Variants in RALYL observed in about 807,000 individuals in gnomAD.
RALYL encodes the protein RALY RNA binding protein like.
Under a neutral mutation model 35.1 loss-of-function variants are expected in RALYL, and 29 were observed. The ratio of observed to expected loss-of-function variants is 0.83; its 90% confidence interval spans 0.61 to 1.13. The LOEUF (loss-of-function observed/expected upper bound fraction) is 1.13. Among genes scored for constraint, RALYL ranks in the 50% most tolerant of loss-of-function variants. The pLI, the probability that RALYL is intolerant of heterozygous loss-of-function variation, is 0.00. For missense variants in RALYL, 359 were observed against 360.4 expected (o/e 1.00, Z 0.03); for synonymous variants, 120 against 127.6 (o/e 0.94, Z 0.40).
At position 84,520,948 on chromosome 8, in the gene RALYL, G is replaced by A. The variant is rs116650155; in HGVS notation, c.-23-8351G>A. Among the ~76,000 whole-genome samples the A allele has an allele frequency of 2.9e-3, 448 of 152,250 alleles. 4 individuals carry two copies. The highest frequency in any genetic ancestry group is 9.7e-3 in the African/African-American group (401 of 41,536). On this transcript the variant is annotated intron_variant, in intron 1 of 8. Transcript: ENST00000521268. ...GAATAAATATAGCAACAATCACATTGCCTCTTATGGCTCAGAGGGAGCTTA... is the reference window on the plus strand; with the variant it reads ...GAATAAATATAGCAACAATCACATTACCTCTTATGGCTCAGAGGGAGCTTA...
intron 2 of RALYL, among the ~76,000 whole-genome samples, chr8:84,575,603 CA>C (rs1162199360): frequency 3.3e-5 from 5 of 152,252 alleles, no homozygotes; most frequent in Admixed American, 6.5e-5. Flanking sequence ...TCTTAATGCA[CA>C]GGGGCATAAA....
At chr8:84,892,289 A>G (rs1843987411) in intron 8 of RALYL, among the ~76,000 whole-genome samples, 1 of 152,106 alleles carries the variant, frequency 6.6e-6, no homozygotes, top group South Asian at 2.1e-4. Context: ...TCCTTGTCTC[A>G]AGTAGCTTAG....
chr8:84,679,585 C>G, intron 2 of RALYL: 1 of 444,500 alleles, frequency 2.2e-6, no homozygotes, highest in Non-Finnish European at 4.5e-6. Flanking sequence ...CAAGAAACGC[C>G]TGCCTTATCT....
intron 8 of RALYL, among the ~76,000 whole-genome samples, chr8:84,906,708 T>C (rs1391905815): frequency 1.3e-5 from 2 of 151,888 alleles, no homozygotes; most frequent in Non-Finnish European, 2.9e-5. Context: ...AAAAAGTACA[T>C]TTTCATGGAC....
At position 84,717,314 on chromosome 8, in the gene RALYL, A is replaced by G. The variant is rs112583985; in HGVS notation, c.257-57265A>G. ...ATTAGAAACAGTTGTTTATCAGGTT[A>G]AAGATGCTATATTTTTTGTACTGTA... On this transcript the variant is annotated intron_variant, in intron 2 of 8. Transcript: ENST00000521268. Among the ~76,000 whole-genome samples, 617 of 152,342 alleles carry G rather than the reference A, an allele frequency of 4.1e-3. 5 individuals are homozygous for G. The highest frequency in any genetic ancestry group is 0.014 in the African/African-American group (598 of 41,580).
At chr8:84,715,045 G>A (rs911651793) in intron 2 of RALYL, among the ~76,000 whole-genome samples, 1 of 151,800 alleles carries the variant, frequency 6.6e-6, no homozygotes. Flanking sequence ...ACATATCAGA[G>A]CTTTTCTAGA....
chr8:84,569,207 C>G (rs1807292175), intron 2 of RALYL, among the ~76,000 whole-genome samples: 1 of 151,878 alleles, frequency 6.6e-6, no homozygotes, highest in South Asian at 2.1e-4. Flanking sequence ...TTTAATCTAT[C>G]TTGAATTAAT....
intron 1 of RALYL, among the ~76,000 whole-genome samples, chr8:84,366,496 G>A (rs1854302470): frequency 6.6e-6 from 1 of 152,102 alleles, no homozygotes; most frequent in Non-Finnish European, 1.5e-5. Context: ...GGTGGCTGGA[G>A]GCCGAGTGCG....
rs11338367 is a variant in RALYL, at chr8:84,499,091, C to CT, written c.-23-30194dup. 6.1e-3 allele frequency among the ~76,000 whole-genome samples: 872 copies of CT among 143,728 alleles called. 9 individuals are homozygous for CT. Among genetic ancestry groups the CT allele is most frequent in the African/African-American group, 0.019 (769 of 39,502 alleles). The allele number at this position is 143,728 out of a possible 152,430, so 94.3% of individuals were successfully genotyped here. ...ATATAAAGACTATGCCATCTGTTTT[C>CT]TTTTTTTTTTTTTTAATTATTGATT... On this transcript the variant is annotated intron_variant, in intron 1 of 8. Transcript: ENST00000521268.
intron 2 of RALYL, among the ~76,000 whole-genome samples, chr8:84,535,986 A>G (rs711056): frequency 0.96 from 145,571 of 152,266 alleles, 69,618 homozygotes; most frequent in East Asian, 1. Context: ...AATGCTTTGA[A>G]TTATTTTGAC....
chr8:84,891,078 T>G (rs116949687), intron 8 of RALYL, among the ~76,000 whole-genome samples: 63 of 152,190 alleles, frequency 4.1e-4, no homozygotes, highest in Non-Finnish European at 6.9e-4. Flanking sequence ...GTTTAAGAGA[T>G]GATGAGATGT....
At chr8:84,745,901 A>G (rs552853792) in intron 2 of RALYL, among the ~76,000 whole-genome samples, 10 of 152,080 alleles carry the variant, frequency 6.6e-5, no homozygotes, top group Non-Finnish European at 1.5e-4. Flanking sequence ...AAGGACAGCT[A>G]GCATCATGGT....
At chr8:84,615,339 G>GAAA (rs35836998) in intron 2 of RALYL, among the ~76,000 whole-genome samples, 7 of 140,156 alleles carry the variant, frequency 5.0e-5, no homozygotes, top group African/African-American at 1.0e-4. Flanking sequence ...TAAATACATT[G>GAAA]AAAAAAAAAA....
intron 1 of RALYL, among the ~76,000 whole-genome samples, chr8:84,408,774 A>T (rs1159212747): frequency 6.6e-6 from 1 of 152,200 alleles, no homozygotes; most frequent in Admixed American, 6.6e-5. Flanking sequence ...ATCAGATAAA[A>T]TGTAGAACAA....
rs540949774 is a variant in RALYL at position 84,752,424 on chromosome 8, A to G, written c.257-22155A>G. The stretch of plus-strand genomic sequence containing the variant: ...AATTTGAAAAATTTGCAACCTGGAT[A>G]TATGGTAGAAAAGAAAAGCCCATTT... On this transcript the variant is annotated intron_variant, in intron 2 of 8. Coordinates refer to ENST00000521268, the MANE Select transcript of RALYL (RefSeq NM_173848.7). Among the ~76,000 whole-genome samples, 16 of 152,316 alleles carry G rather than the reference A, an allele frequency of 1.1e-4. No homozygotes were observed. The South Asian group carries it at 3.3e-3, about 32-fold the overall frequency.
rs368320194 is a variant in RALYL at position 84,222,611 on chromosome 8, G to A, written c.-24+38187G>A. Reference sequence around the variant, plus strand: ...GATGAGGAAAAGACGGCACATGACTGCCTGTACCATTGAAATTTATAAGTA... The same window carrying A: ...GATGAGGAAAAGACGGCACATGACTACCTGTACCATTGAAATTTATAAGTA... On this transcript the variant is annotated intron_variant, in intron 1 of 8. Coordinates refer to ENST00000521268, the MANE Select transcript of RALYL (RefSeq NM_173848.7). Among the ~76,000 whole-genome samples, 39 of 152,222 alleles carry A rather than the reference G, an allele frequency of 2.6e-4. No homozygotes were observed. The South Asian group carries it at 2.9e-3, about 11-fold the overall frequency.
intron 1 of RALYL, among the ~76,000 whole-genome samples, chr8:84,393,570 C>T (rs962250697): frequency 6.6e-5 from 10 of 152,140 alleles, no homozygotes; most frequent in African/African-American, 9.6e-5. Context: ...AGACCACTGG[C>T]GGTCATTCTA....
intron 4 of RALYL, among the ~76,000 whole-genome samples, chr8:84,844,881 C>T (rs568677587): frequency 8.5e-5 from 13 of 152,082 alleles, no homozygotes; most frequent in South Asian, 8.3e-4. Flanking sequence ...AAAAACCAAA[C>T]GCCACATGTT....
intron 1 of RALYL, among the ~76,000 whole-genome samples, chr8:84,495,991 T>C (rs1263713339): frequency 6.6e-6 from 1 of 152,116 alleles, no homozygotes; most frequent in African/African-American, 2.4e-5. Flanking sequence ...CTTTTATTTG[T>C]AAAATATTTT....
Sources: gnomAD v4.1 joint callset for allele counts (sites outside exome capture counted in the v4.1 genomes callset) on GRCh38, gnomAD v4.1.1 for gene constraint, MANE v1.5 for transcripts, NCBI Gene and HGNC (gene_info 2026-07-23, HGNC 2026-07-21) for gene names.